The following SYNDIG1 variants were observed in gnomAD, a reference collection of about 807,000 sequenced individuals.
The protein encoded by SYNDIG1 is synapse differentiation inducing 1, also known as synapse differentiation-inducing gene protein 1.
A neutral mutation model predicts 19.4 loss-of-function variants in SYNDIG1; 9 were observed. The ratio of observed to expected loss-of-function variants is 0.46; its 90% CI spans 0.28 to 0.81. The LOEUF is 0.81. Ranked by LOEUF, SYNDIG1 falls within the 30% of genes least tolerant of loss-of-function variation. The probability of loss-of-function intolerance (pLI) is 0.12; values close to 1 mark genes in which losing one functional copy is unlikely to be tolerated. For synonymous variants in SYNDIG1, 141 were observed against 145.9 expected, an observed-to-expected ratio of 0.97 and a Z score of 0.24; for missense variants, 311 against 343.3, an observed-to-expected ratio of 0.91 and a Z score of 0.74.
At position 24,527,524 on chromosome 20, in the gene SYNDIG1, C is replaced by T. The variant is rs62215270; in HGVS notation, c.-78-15496C>T. 8.9e-4 allele frequency among the ~76,000 whole-genome samples: 131 copies of T among 146,486 alleles called. 1 individual carries two copies. Among genetic ancestry groups the T allele is most frequent in the African/African-American group, 1.3e-3 (52 of 39,464 alleles). ...TTCTCTTCTCTTTTCTTTTTTTTTCCTTTCTTTTCTTTTCTTTCCTTCCTT... is the reference window on the plus strand; with the variant it reads ...TTCTCTTCTCTTTTCTTTTTTTTTCTTTTCTTTTCTTTTCTTTCCTTCCTT... On this transcript the variant is annotated intron_variant, in intron 1 of 3. Transcript: ENST00000376862.
At chr20:24,615,705 A>G (rs1037024696) in intron 3 of SYNDIG1, among the ~76,000 whole-genome samples, 12 of 152,084 alleles carry the variant, frequency 7.9e-5, no homozygotes, top group East Asian at 1.9e-4. Flanking sequence ...CAGGCGCCCA[A>G]TGGAAGGTCT....
At chr20:24,661,982 A>G (rs368028284) in intron 3 of SYNDIG1, among the ~76,000 whole-genome samples, 103 of 152,240 alleles carry the variant, frequency 6.8e-4, no homozygotes, top group Middle Eastern at 3.4e-3. Context: ...TTGTCCCTCC[A>G]CAAACTGGTC....
At chr20:24,609,770 C>T (rs780646719) in intron 3 of SYNDIG1, among the ~76,000 whole-genome samples, 16 of 152,120 alleles carry the variant, frequency 1.1e-4, no homozygotes, top group Admixed American at 1.3e-4. Context: ...TTGGGGCCAC[C>T]TTAACATTCA....
intron 1 of SYNDIG1, among the ~76,000 whole-genome samples, chr20:24,522,891 C>T (rs1400696856): frequency 2.0e-5 from 3 of 152,052 alleles, no homozygotes; most frequent in South Asian, 2.1e-4. Context: ...ACAAGCAGCT[C>T]GCATGTAAAC....
chr20:24,475,920 G>A (rs1296622999), intron 1 of SYNDIG1, among the ~76,000 whole-genome samples: 28 of 151,364 alleles, frequency 1.8e-4, no homozygotes, highest in Admixed American at 1.8e-3. Context: ...GAGTGCAGTG[G>A]CACAATCTCA....
At chr20:24,470,636 G>C (rs2055407303) in intron 1 of SYNDIG1, among the ~76,000 whole-genome samples, 1 of 152,228 alleles carries the variant, frequency 6.6e-6, no homozygotes, top group Non-Finnish European at 1.5e-5. Flanking sequence ...TCTTAGGGAA[G>C]GGGCTTTGTC....
At chr20:24,525,520 G>A (rs1207921276) in intron 1 of SYNDIG1, among the ~76,000 whole-genome samples, 1 of 152,030 alleles carries the variant, frequency 6.6e-6, no homozygotes, top group East Asian at 1.9e-4. Context: ...CTGACCTCAG[G>A]TGATCCACCT....
chr20:24,515,694 CA>C (rs2056846492), intron 1 of SYNDIG1, among the ~76,000 whole-genome samples: 2 of 152,152 alleles, frequency 1.3e-5, no homozygotes, highest in South Asian at 4.2e-4. Context: ...AAAGAGGATA[CA>C]AACAAATGGA....
chr20:24,619,091 C>T (rs2058997644), intron 3 of SYNDIG1, among the ~76,000 whole-genome samples: 2 of 152,136 alleles, frequency 1.3e-5, no homozygotes, highest in Admixed American at 6.5e-5. Flanking sequence ...GAATTTAAAA[C>T]TGCCAAAAGG....
intron 2 of SYNDIG1, among the ~76,000 whole-genome samples, chr20:24,544,300 G>A (rs6049774): frequency 1.5e-3 from 230 of 152,274 alleles, no homozygotes; most frequent in African/African-American, 5.4e-3. Context: ...ATGGACTAGC[G>A]GTTTGCTGCC....
chr20:24,486,879 G>A (rs1028015182), intron 1 of SYNDIG1, among the ~76,000 whole-genome samples: 17 of 152,044 alleles, frequency 1.1e-4, no homozygotes, highest in Non-Finnish European at 1.9e-4. Flanking sequence ...GGATGGTCTC[G>A]ATCTCCTGAC....
chr20:24,609,169 A>C (rs2058808057), intron 3 of SYNDIG1, among the ~76,000 whole-genome samples: 1 of 152,220 alleles, frequency 6.6e-6, no homozygotes, highest in Non-Finnish European at 1.5e-5. Flanking sequence ...TGGAGGTGGC[A>C]GTTCTCGGCA....
intron 3 of SYNDIG1, among the ~76,000 whole-genome samples, chr20:24,645,750 G>A (rs2059417056): frequency 6.6e-6 from 1 of 152,230 alleles, no homozygotes; most frequent in African/African-American, 2.4e-5. Context: ...AGTATATGTG[G>A]CTACCATCTG....
At chr20:24,490,859 C>T (rs938315846) in intron 1 of SYNDIG1, among the ~76,000 whole-genome samples, 2 of 152,178 alleles carry the variant, frequency 1.3e-5, no homozygotes, top group African/African-American at 4.8e-5. Flanking sequence ...AAGCCAAGCC[C>T]CACAGTCTGG....
At chr20:24,594,412 G>T (rs548069109) in intron 3 of SYNDIG1, among the ~76,000 whole-genome samples, 6 of 152,280 alleles carry the variant, frequency 3.9e-5, no homozygotes, top group African/African-American at 1.4e-4. Flanking sequence ...ATACCATGCT[G>T]TTTTGGTTAT....
intron 1 of SYNDIG1, among the ~76,000 whole-genome samples, chr20:24,506,439 A>G (rs974019348): frequency 6.6e-6 from 1 of 152,230 alleles, no homozygotes; most frequent in African/African-American, 2.4e-5. Flanking sequence ...GAGGGAGAGC[A>G]TGGCCACAGT....
intron 1 of SYNDIG1, among the ~76,000 whole-genome samples, chr20:24,506,878 A>T (rs1214356706): frequency 6.6e-6 from 1 of 152,176 alleles, no homozygotes; most frequent in Non-Finnish European, 1.5e-5. Flanking sequence ...ACAGGCAGAG[A>T]AGCTGGGCAG....
At chr20:24,505,939 AC>A (rs1280123070) in intron 1 of SYNDIG1, among the ~76,000 whole-genome samples, 2 of 152,234 alleles carry the variant, frequency 1.3e-5, no homozygotes, top group African/African-American at 4.8e-5. Flanking sequence ...AGTCATGAAA[AC>A]AACACTGCTA....
chr20:24,572,586 C>T (rs904534328), intron 2 of SYNDIG1, among the ~76,000 whole-genome samples: 1 of 152,114 alleles, frequency 6.6e-6, no homozygotes, highest in Non-Finnish European at 1.5e-5. Flanking sequence ...TCATTCAAGC[C>T]GAAGAAGCTT....
Sources: allele counts gnomAD v4.1 joint callset (sites outside exome capture counted in the v4.1 genomes callset), GRCh38; gene constraint gnomAD v4.1.1; transcripts MANE v1.5; gene names NCBI Gene and HGNC (gene_info 2026-07-23, HGNC 2026-07-21).